MAPK10: variants seen among roughly 807,000 people sequenced by gnomAD.
MAPK10 encodes the protein mitogen-activated protein kinase 10.
MAPK10 carries 25 observed loss-of-function variants against 59.3 expected under a neutral mutation model. That is an observed-to-expected ratio of 0.42 (90% confidence interval 0.31 to 0.59). The LOEUF is 0.59. Among genes scored for constraint, MAPK10 ranks in the 20% least tolerant of loss-of-function variants. The pLI is 0.15. For synonymous variants in MAPK10, 190 were observed against 200.5 expected, an observed-to-expected ratio of 0.95 and a Z score of 0.44; for missense variants, 351 against 568.9, an observed-to-expected ratio of 0.62 and a Z score of 3.90.
At chr4:86,423,431 G>C (rs1198020764) in intron 1 of MAPK10, among the ~76,000 whole-genome samples, 1 of 152,074 alleles carries the variant, frequency 6.6e-6, no homozygotes, top group Non-Finnish European at 1.5e-5. Context: ...GAATAAATAA[G>C]ACATTAAACC....
intron 1 of MAPK10, among the ~76,000 whole-genome samples, chr4:86,391,617 C>G (rs750409395): frequency 1.1e-4 from 16 of 152,130 alleles, no homozygotes; most frequent in Non-Finnish European, 1.3e-4. Context: ...TCTGGGGACA[C>G]TCAAGTGAAG....
chr4:86,235,179 C>T (rs1283542135), intron 2 of MAPK10, among the ~76,000 whole-genome samples: 1 of 152,184 alleles, frequency 6.6e-6, no homozygotes, highest in Non-Finnish European at 1.5e-5. Context: ...AATATCTCCT[C>T]ATTTTCCAAA....
intron 2 of MAPK10, among the ~76,000 whole-genome samples, chr4:86,247,251 G>A (rs2093155972): frequency 6.6e-6 from 1 of 152,172 alleles, no homozygotes; most frequent in South Asian, 2.1e-4. Flanking sequence ...AAGCCAGCTT[G>A]AATCAGGGTA....
At chr4:86,353,990 G>GT (rs1253568579) in intron 2 of MAPK10, among the ~76,000 whole-genome samples, 3 of 152,110 alleles carry the variant, frequency 2.0e-5, no homozygotes, top group Non-Finnish European at 4.4e-5. Flanking sequence ...CAGAGCAACT[G>GT]TATCTATTTT....
intron 4 of MAPK10, among the ~76,000 whole-genome samples, chr4:86,113,614 G>A (rs2057872886): frequency 1.3e-5 from 2 of 152,102 alleles, no homozygotes; most frequent in South Asian, 2.1e-4. Flanking sequence ...CCCTTTGTAG[G>A]TGACCTGGCC....
intron 1 of MAPK10, among the ~76,000 whole-genome samples, chr4:86,465,797 C>T (rs1752149095): frequency 1.3e-5 from 2 of 152,272 alleles, no homozygotes; most frequent in South Asian, 2.1e-4. Flanking sequence ...CCAGTTACAG[C>T]CATGTTGAGA....
chr4:86,532,730 T>C (rs1021694918), intron 1 of MAPK10, among the ~76,000 whole-genome samples: 1 of 152,130 alleles, frequency 6.6e-6, no homozygotes, highest in African/African-American at 2.4e-5. Context: ...CCTCCACTTT[T>C]CTGAATCTCC....
intron 1 of MAPK10, among the ~76,000 whole-genome samples, chr4:86,529,449 C>G (rs1394936983): frequency 2.0e-5 from 3 of 152,198 alleles, no homozygotes; most frequent in Admixed American, 6.5e-5. Context: ...CATGCCTTCT[C>G]CACTGCATTC....
At chr4:86,271,771 C>T (rs2094440875) in intron 2 of MAPK10, among the ~76,000 whole-genome samples, 1 of 151,862 alleles carries the variant, frequency 6.6e-6, no homozygotes, top group Non-Finnish European at 1.5e-5. Context: ...GGGGAAAAGC[C>T]CCTATAAAAA....
At chr4:86,577,257 G>A (rs1761970428) in intron 1 of MAPK10, among the ~76,000 whole-genome samples, 1 of 152,114 alleles carries the variant, frequency 6.6e-6, no homozygotes, top group African/African-American at 2.4e-5. Flanking sequence ...ACTGCAGTGA[G>A]CTGTGATCAT....
At chr4:86,195,448 A>G (rs2081064267) in intron 2 of MAPK10, among the ~76,000 whole-genome samples, 1 of 152,240 alleles carries the variant, frequency 6.6e-6, no homozygotes, top group Non-Finnish European at 1.5e-5. Flanking sequence ...TAAAGGCATG[A>G]AAAGTTCTGA....
chr4:86,276,089 A>C (rs545573417), intron 2 of MAPK10, among the ~76,000 whole-genome samples: 1 of 152,212 alleles, frequency 6.6e-6, no homozygotes, highest in African/African-American at 2.4e-5. Flanking sequence ...TAACTCTGAA[A>C]ACTGTAAATA....
At chr4:86,225,367 G>A (rs1229924463) in intron 2 of MAPK10, among the ~76,000 whole-genome samples, 1 of 152,124 alleles carries the variant, frequency 6.6e-6, no homozygotes, top group Non-Finnish European at 1.5e-5. Flanking sequence ...TTGGGCTGTA[G>A]TTTTCAGTGA....
chr4:86,341,750 A>T (rs1725029846), intron 2 of MAPK10, among the ~76,000 whole-genome samples: 1 of 151,986 alleles, frequency 6.6e-6, no homozygotes, highest in South Asian at 2.1e-4. Context: ...AATTAACAAG[A>T]AATGGTAAAG....
intron 1 of MAPK10, among the ~76,000 whole-genome samples, chr4:86,438,284 GTAAT>G (rs376661911): frequency 2.0e-5 from 3 of 152,174 alleles, no homozygotes; most frequent in African/African-American, 7.2e-5. Flanking sequence ...TTGGGTAAAA[GTAAT>G]TAAAAATATG....
intron 1 of MAPK10, among the ~76,000 whole-genome samples, chr4:86,499,766 A>T (rs1482572171): frequency 6.6e-6 from 1 of 152,206 alleles, no homozygotes; most frequent in African/African-American, 2.4e-5. Flanking sequence ...TCTCTCCTGC[A>T]GATAGGGATG....
intron 1 of MAPK10, among the ~76,000 whole-genome samples, chr4:86,577,747 C>T (rs956491422): frequency 3.9e-5 from 6 of 152,022 alleles, no homozygotes; most frequent in African/African-American, 1.4e-4. Flanking sequence ...TACGTGGTTG[C>T]AATCGTTATA....
At chr4:86,263,536 A>G (rs796930196) in intron 2 of MAPK10, among the ~76,000 whole-genome samples, 33 of 151,870 alleles carry the variant, frequency 2.2e-4, no homozygotes, top group African/African-American at 7.0e-4. Context: ...GGTCCAAACT[A>G]ACTGTCCCTC....
chr4:86,576,812 T>G (rs781497339), intron 1 of MAPK10, among the ~76,000 whole-genome samples: 5 of 151,970 alleles, frequency 3.3e-5, no homozygotes, highest in Non-Finnish European at 7.4e-5. Flanking sequence ...TGGTTAATTA[T>G]TGTGAAATGT....
Sources: allele counts gnomAD v4.1 joint callset (sites outside exome capture counted in the v4.1 genomes callset), GRCh38; gene constraint gnomAD v4.1.1; transcripts MANE v1.5; gene names NCBI Gene and HGNC (gene_info 2026-07-23, HGNC 2026-07-21).